The following DNAH10 variants were observed in gnomAD, a reference collection of about 807,000 sequenced individuals.
The protein encoded by DNAH10 is dynein axonemal heavy chain 10.
Under a neutral mutation model 506.6 loss-of-function variants are expected in DNAH10, and 348 were observed. That is an observed-to-expected ratio of 0.69 (90% confidence interval 0.63 to 0.75). The LOEUF is 0.75. DNAH10 is among the 30% of genes least tolerant of loss of function. The probability of loss-of-function intolerance (pLI) is 0.00; values close to 1 mark genes in which losing one functional copy is unlikely to be tolerated. For missense variants in DNAH10, 5,179 were observed against 5,787.1 expected, an observed-to-expected ratio of 0.89 and a Z score of 3.41; for synonymous variants, 2,059 against 2,198.6, an observed-to-expected ratio of 0.94 and a Z score of 1.78.
chr12:123,801,526 A>G (rs1958482902), intron 16 of DNAH10, 94 bp downstream of exon 16: 6 of 1,453,292 alleles, frequency 4.1e-6, no homozygotes, highest in Non-Finnish European at 5.6e-6. Flanking sequence ...TCATATGTTT[A>G]TAGAGACAAT....
intron 16 of DNAH10, 123 bp from the exon 17 acceptor site, chr12:123,803,538 G>A: frequency 1.0e-6 from 1 of 956,508 alleles, no homozygotes; most frequent in Non-Finnish European, 1.5e-6. Flanking sequence ...AGACCCAAGG[G>A]GTTGGAATGA....
In DNAH10 at chr12:123,916,656, G is replaced by A. The variant is rs549765703; in HGVS notation, c.10922G>A (p.Arg3641Lys). Reference protein sequence around the residue: ...DKEVDYDSNFRLYLNTKLANP... With the variant: ...DKEVDYDSNFKLYLNTKLANP... ...GAAGTGGACTATGATTCAAATTTCA[G>A]ACTGTACCTGAACACCAAGCTGGCC... Residue 3641 changes from arginine (R) to lysine (K), a missense_variant, in exon 63 of 79, where the codon AGA (arginine) becomes AAA (lysine). Physicochemically the swap from Arg to Lys is conservative, Grantham distance 26. Around this residue, in one of 3 missense-constraint regions of DNAH10, gnomAD observed 4,844 missense variants for 5,430.5 expected, o/e 0.89. Transcript: ENST00000673944. The surrounding 1 kb of genome is among the most constrained non-coding windows in gnomAD (Gnocchi z 4.6). 2.5e-6 allele frequency: 4 copies of A among 1,613,888 alleles called. No individual in the cohort carries two copies. In the East Asian group the frequency reaches 8.9e-5, roughly 36 times the overall value.
chr12:123,823,782 T>A (rs1959676509), intron 24 of DNAH10, among the ~76,000 whole-genome samples: 1 of 152,168 alleles, frequency 6.6e-6, no homozygotes, highest in Non-Finnish European at 1.5e-5. Context: ...TTTAGTTATT[T>A]AAAAATATAC....
chr12:123,916,587 T>C lies in DNAH10; in HGVS notation c.10853T>C (p.Ile3618Thr), dbSNP rs778425631. 6.2e-6 allele frequency: 10 copies of C among 1,613,750 alleles called. No homozygotes were observed. The South Asian group carries it at 7.7e-5, about 12-fold the overall frequency. The change falls in exon 63 of 79, where the codon ATA (isoleucine) becomes ACA (threonine). Residue 3618 changes from isoleucine to threonine, a missense_variant. Physicochemically the swap from Ile to Thr is moderately conservative, Grantham distance 89. This residue lies in a region of DNAH10 where 4,844 missense variants were observed against 5,430.5 expected (regional missense o/e 0.89). Transcript: ENST00000673944. This position sits in a 1 kb window ranked among gnomAD's most constrained non-coding sequence, Gnocchi z 4.6. ...PVIDNVLEKN[I>T]KVSQGRQFII... Reference sequence around the variant, plus strand: ...ATTGACAACGTCTTAGAAAAAAATATAAAAGTCTCCCAAGGACGGCAGTTT... The same window carrying C: ...ATTGACAACGTCTTAGAAAAAAATACAAAAGTCTCCCAAGGACGGCAGTTT...
Position 123,887,351 on chromosome 12 carries a change from C to T in DNAH10, c.8995+38C>T, listed in dbSNP as rs146357887. The stretch of plus-strand genomic sequence containing the variant: ...CTGGCGCCCGCTGTGGCCAACACCC[C>T]GCTCAGCTCTTAAGGGAGTTCACTT... On this transcript the variant is annotated intron_variant, in intron 52 of 78. Coordinates refer to ENST00000673944, the MANE Select transcript of DNAH10 (RefSeq NM_001372106.1). 5.9e-4 allele frequency: 937 copies of T among 1,597,316 alleles called. 5 individuals are homozygous for T. The East Asian group carries it at 0.016, about 27-fold the overall frequency.
At chr12:123,873,357 C>T (rs1359460568) in intron 45 of DNAH10, among the ~76,000 whole-genome samples, 1 of 152,168 alleles carries the variant, frequency 6.6e-6, no homozygotes, top group Admixed American at 6.5e-5. Flanking sequence ...TCGCTATTGA[C>T]TCATACAATC....
At chr12:123,855,285 TG>T (rs1951340839) in intron 36 of DNAH10, among the ~76,000 whole-genome samples, 1 of 152,136 alleles carries the variant, frequency 6.6e-6, no homozygotes, top group Non-Finnish European at 1.5e-5. Flanking sequence ...TAGAGACGCT[TG>T]CCAGGTCCTG....
intron 26 of DNAH10, among the ~76,000 whole-genome samples, chr12:123,831,132 A>G (rs1033754070): frequency 2.6e-5 from 4 of 152,080 alleles, no homozygotes; most frequent in Non-Finnish European, 4.4e-5. Context: ...TTATTTTGCC[A>G]TTGATTTTTA....
chr12:123,807,023 C>T (rs1210782799), intron 18 of DNAH10, among the ~76,000 whole-genome samples: 1 of 152,190 alleles, frequency 6.6e-6, no homozygotes, highest in Non-Finnish European at 1.5e-5. Flanking sequence ...CTGCCTTGGC[C>T]TCCCAAAGTT....
rs183287843 is a variant in DNAH10, at chr12:123,920,722, G to A, written c.11506+1773G>A. On this transcript the variant is annotated intron_variant, in intron 65 of 78. Coordinates refer to ENST00000673944, the MANE Select transcript of DNAH10 (RefSeq NM_001372106.1). ...CATTAAGGTCTATACATTATAATTG[G>A]TTGTGTCACTTAATTTCTCTCTTTT... Among the ~76,000 whole-genome samples, 730 of 152,146 alleles carry A rather than the reference G, an allele frequency of 4.8e-3. 6 individuals carry two copies. The highest frequency in any genetic ancestry group is 8.6e-3 in the Non-Finnish European group (584 of 67,978).
chr12:123,843,500 G>C (rs1477960596), intron 30 of DNAH10, among the ~76,000 whole-genome samples: 1 of 152,100 alleles, frequency 6.6e-6, no homozygotes, highest in East Asian at 1.9e-4. Context: ...GTGATCTTTA[G>C]GTTTTCGCTG....
chr12:123,887,055 A>G, intron 51 of DNAH10, 87 bp from the exon 52 acceptor site: 1 of 1,465,922 alleles, frequency 6.8e-7, no homozygotes, highest in South Asian at 1.4e-5. Flanking sequence ...CGCCCTCTGC[A>G]CTCTCCTCCA....
intron 24 of DNAH10, among the ~76,000 whole-genome samples, chr12:123,826,346 G>T (rs907802101): frequency 5.9e-5 from 9 of 152,132 alleles, no homozygotes; most frequent in Admixed American, 2.0e-4. Flanking sequence ...GCACCTGAAT[G>T]AAGTACATCC....
intron 1 of DNAH10, among the ~76,000 whole-genome samples, chr12:123,765,373 TATAAAA>T (rs1363590878): frequency 1.3e-5 from 2 of 152,184 alleles, no homozygotes; most frequent in African/African-American, 4.8e-5. Context: ...TAGAATTACA[TATAAAA>T]AGAAAAAGCA....
At chr12:123,779,488 A>C (rs1049015171) in intron 5 of DNAH10, among the ~76,000 whole-genome samples, 2 of 152,226 alleles carry the variant, frequency 1.3e-5, no homozygotes, top group African/African-American at 4.8e-5. Context: ...AATGTACGGG[A>C]TCATCTAGCA....
chr12:123,834,222 T>A (rs972835680), intron 27 of DNAH10, among the ~76,000 whole-genome samples: 4 of 152,214 alleles, frequency 2.6e-5, no homozygotes, highest in African/African-American at 7.2e-5. Context: ...AAACAATTTT[T>A]TTTTAGATGG....
At chr12:123,773,944 C>T (rs990338528) in intron 4 of DNAH10, among the ~76,000 whole-genome samples, 16 of 152,238 alleles carry the variant, frequency 1.1e-4, no homozygotes, top group South Asian at 4.1e-4. Flanking sequence ...TACTAATCCA[C>T]GAACCACAGT....
intron 2 of DNAH10, among the ~76,000 whole-genome samples, chr12:123,769,190 G>C (rs1957158084): frequency 6.6e-6 from 1 of 152,120 alleles, no homozygotes; most frequent in African/African-American, 2.4e-5. Context: ...CTGTCACCCA[G>C]GCTGGAGTGC....
Position 123,787,698 on chromosome 12 carries a change from G to A in DNAH10, c.1422-106G>A, listed in dbSNP as rs1288991383. 1.5e-6 allele frequency: 2 copies of A among 1,369,014 alleles called. No homozygotes were observed. Among genetic ancestry groups the A allele is most frequent in the South Asian group, 1.3e-5 (1 of 77,728 alleles). The allele number at this position is 1,369,014 out of a possible 1,614,324, so 84.8% of individuals were successfully genotyped here. A position where few individuals can be genotyped will look rare whatever the true frequency, so the allele number is the denominator to read the frequency against. On this transcript the variant is annotated intron_variant, in intron 9 of 78. Coordinates refer to ENST00000673944, the MANE Select transcript of DNAH10 (RefSeq NM_001372106.1). This position sits in a 1 kb window ranked among gnomAD's most constrained non-coding sequence, Gnocchi z 4.6. ...CCGATGAGGCCGTGAAACCAGGGGG[G>A]GCGCCCGGGTCAGAGCTTCACGGGA...
Sources: gnomAD v4.1 joint callset for allele counts (sites outside exome capture counted in the v4.1 genomes callset) on GRCh38, gnomAD v4.1.1 for gene constraint, gnomAD v4.1.1 regional missense constraint, Gnocchi (gnomAD v3.1) non-coding constraint, MANE v1.5 for transcripts, NCBI Gene and HGNC (gene_info 2026-07-23, HGNC 2026-07-21) for gene names.